Variants in ATP2B1 observed in about 807,000 individuals in gnomAD.
ATP2B1 encodes ATPase plasma membrane Ca2+ transporting 1.
In ATP2B1, 14 loss-of-function variants were observed where a neutral mutation model predicts 124.2. The observed-to-expected ratio is 0.11, with a 90% CI of 0.07 to 0.18. ATP2B1 has a LOEUF of 0.18. ATP2B1 is among the 10% of genes least tolerant of loss of function. ATP2B1 has a pLI of 1.00. For missense variants in ATP2B1, 763 were observed against 1,466.1 expected, an observed-to-expected ratio of 0.52 and a Z score of 7.83; for synonymous variants, 449 against 492.4, an observed-to-expected ratio of 0.91 and a Z score of 1.17.
In ATP2B1 at chr12:89,604,362, T is replaced by C. The variant is rs115173564; in HGVS notation, c.2443-16A>G. On this transcript the variant is annotated splice_polypyrimidine_tract_variant and intron_variant, in intron 15 of 20. Coordinates refer to ENST00000428670, the MANE Select transcript of ATP2B1 (RefSeq NM_001366521.1). ...CAGCAATACCCTGTTAAAAAAAATT[T>C]TGTGAATTAGACTAAATGTTTTAAG... The C allele has an allele frequency of 2.2e-5, 34 of 1,573,394 alleles. No homozygotes were observed. In the African/African-American group the frequency reaches 3.9e-4, roughly 18 times the overall value.
At chr12:89,604,064 T>C in intron 16 of ATP2B1, 91 bp downstream of exon 16, 1 of 1,411,276 alleles carries the variant, frequency 7.1e-7, no homozygotes, top group Non-Finnish European at 9.6e-7. Flanking sequence ...ATATTAAGCT[T>C]CAGCTTAAAT....
chr12:89,634,624 A>C (rs894994834), intron 5 of ATP2B1, among the ~76,000 whole-genome samples, 154 bp downstream of exon 5: 6 of 152,190 alleles, frequency 3.9e-5, no homozygotes, highest in African/African-American at 1.4e-4. Context: ...TTGTCAGCTT[A>C]CCAAAAAAAG....
intron 20 of ATP2B1, chr12:89,598,732 C>G: frequency 1.2e-6 from 2 of 1,613,968 alleles, no homozygotes; most frequent in Non-Finnish European, 1.7e-6. Context: ...GGAAAGCATT[C>G]ACTACATCCA....
intron 18 of ATP2B1, among the ~76,000 whole-genome samples, chr12:89,601,987 T>C (rs1400427651): frequency 6.6e-6 from 1 of 152,266 alleles, no homozygotes; most frequent in Non-Finnish European, 1.5e-5. Flanking sequence ...GAAAGTTCTA[T>C]GAAATATGGG....
chr12:89,667,050 T>C (rs1887390707), intron 1 of ATP2B1, among the ~76,000 whole-genome samples: 1 of 152,150 alleles, frequency 6.6e-6, no homozygotes, highest in Non-Finnish European at 1.5e-5. Context: ...CAGGCTATTC[T>C]TTTTCTCCCC....
chr12:89,609,854 G>T, intron 15 of ATP2B1, 83 bp downstream of exon 15: 1 of 1,256,280 alleles, frequency 8.0e-7, no homozygotes, highest in Non-Finnish European at 1.1e-6. Context: ...AAAATCCATA[G>T]TAATTTAGTC....
At chr12:89,618,624 C>A (rs1251580328) in intron 11 of ATP2B1, among the ~76,000 whole-genome samples, 1 of 152,200 alleles carries the variant, frequency 6.6e-6, no homozygotes, top group Non-Finnish European at 1.5e-5. Flanking sequence ...CATCACTATT[C>A]AGCTGAACTA....
intron 5 of ATP2B1, among the ~76,000 whole-genome samples, chr12:89,633,538 A>AT (rs2136184005): frequency 6.6e-6 from 1 of 150,482 alleles, no homozygotes; most frequent in East Asian, 1.9e-4. Context: ...CTTTTATCCT[A>AT]TTTATAATGG....
At position 89,603,592 on chromosome 12, in the gene ATP2B1, T is replaced by C; in HGVS notation, c.2848+120A>G. On this transcript the variant is annotated intron_variant, in intron 17 of 20. Transcript: ENST00000428670. The surrounding 1 kb of genome is among the most constrained non-coding windows in gnomAD (Gnocchi z 4.3). ...TCACTGATTAAGAAGAAATTAAAGA[T>C]AAATGGGAAGTCAGGAGTAGAATTT... 4.0e-6 allele frequency: 4 copies of C among 1,003,850 alleles called. No individual in the cohort carries two copies. 62.2% of individuals were successfully genotyped at this position (1,003,850 alleles called of 1,614,324 possible). A position where few individuals can be genotyped will look rare whatever the true frequency, so the allele number is the denominator to read the frequency against.
chr12:89,599,773 T>C (rs1283549539), intron 19 of ATP2B1, among the ~76,000 whole-genome samples: 1 of 151,846 alleles, frequency 6.6e-6, no homozygotes, highest in Non-Finnish European at 1.5e-5. Flanking sequence ...TTGTTACATA[T>C]TTTTTTTAAA....
At chr12:89,668,219 A>T (rs186269155) in intron 1 of ATP2B1, among the ~76,000 whole-genome samples, 6 of 152,294 alleles carry the variant, frequency 3.9e-5, no homozygotes, top group Admixed American at 3.9e-4. Flanking sequence ...ATCTTCTCAA[A>T]TACAACTTAA....
In ATP2B1 at chr12:89,610,007, A is replaced by G; in HGVS notation, c.2372T>C (p.Val791Ala). 1.2e-6 allele frequency: 2 copies of G among 1,613,758 alleles called. No individual in the cohort carries two copies. The highest frequency in any genetic ancestry group is 1.7e-6 in the Non-Finnish European group (2 of 1,179,780). ...IDSTVSDQRQ[V>A]VAVTGDGTND... ...TGTACCATCACCAGTTACAGCTACAACCTGGCGTTGGTCTGAGACAGTGCT... is the reference window on the plus strand; with the variant it reads ...TGTACCATCACCAGTTACAGCTACAGCCTGGCGTTGGTCTGAGACAGTGCT... The change falls in exon 15 of 21, where the codon GTT (valine) becomes GCT (alanine). Residue 791 changes from valine (V) to alanine (A), a missense_variant. Coordinates refer to ENST00000428670, the MANE Select transcript of ATP2B1 (RefSeq NM_001366521.1).
At chr12:89,695,160 T>G in intron 1 of ATP2B1, among the ~76,000 whole-genome samples, 1 of 152,192 alleles carries the variant, frequency 6.6e-6, no homozygotes, top group East Asian at 1.9e-4. Context: ...TTTTCTTCTT[T>G]ACTTGTATAA....
chr12:89,676,592 A>G (rs1888635802), intron 1 of ATP2B1, among the ~76,000 whole-genome samples: 2 of 152,112 alleles, frequency 1.3e-5, no homozygotes, highest in African/African-American at 4.8e-5. Flanking sequence ...CAATTTTTAA[A>G]TGAGAAGAAA....
chr12:89,601,468 C>T, intron 18 of ATP2B1, 35 bp from the exon 19 acceptor site: 1 of 1,373,036 alleles, frequency 7.3e-7, no homozygotes, highest in Non-Finnish European at 9.9e-7. Flanking sequence ...TTACTTAAAT[C>T]TTAAATTTTA....
Position 89,657,743 on chromosome 12 carries a change from G to T in ATP2B1, c.-221-1636C>A, listed in dbSNP as rs558318287. On this transcript the variant is annotated intron_variant, in intron 1 of 20. Coordinates refer to ENST00000428670, the MANE Select transcript of ATP2B1 (RefSeq NM_001366521.1). ...TAATCTGCATTTCTAATAATTTTTGGGGTGATGCTGATGCTATCAGTCTAG... is the reference window on the plus strand; with the variant it reads ...TAATCTGCATTTCTAATAATTTTTGTGGTGATGCTGATGCTATCAGTCTAG... 3.3e-5 allele frequency among the ~76,000 whole-genome samples: 5 copies of T among 152,250 alleles called. No individual in the cohort carries two copies. The East Asian group carries it at 9.6e-4, about 29-fold the overall frequency.
At chr12:89,688,725 T>C (rs1238713597) in intron 1 of ATP2B1, among the ~76,000 whole-genome samples, 1 of 152,062 alleles carries the variant, frequency 6.6e-6, no homozygotes, top group Admixed American at 6.6e-5. Context: ...GCTTTGATCC[T>C]TACTGCAGGG....
At chr12:89,621,473 G>T in intron 10 of ATP2B1, 76 bp downstream of exon 10, 3 of 1,158,480 alleles carry the variant, frequency 2.6e-6, no homozygotes, top group Non-Finnish European at 3.5e-6. Flanking sequence ...CAGTAATGGT[G>T]GTCTGAAGAC....
At chr12:89,610,126 ATAG>A in intron 14 of ATP2B1, 83 bp from the exon 15 acceptor site, 1 of 1,257,140 alleles carries the variant, frequency 8.0e-7, no homozygotes, top group Non-Finnish European at 1.1e-6. Flanking sequence ...CGTCGGTTTT[ATAG>A]ACTCAAGGTT....
Sources: gnomAD v4.1 joint callset for allele counts (sites outside exome capture counted in the v4.1 genomes callset) on GRCh38, gnomAD v4.1.1 for gene constraint, Gnocchi (gnomAD v3.1) non-coding constraint, MANE v1.5 for transcripts, NCBI Gene and HGNC (gene_info 2026-07-23, HGNC 2026-07-21) for gene names.